MS4A10: variants seen among roughly 807,000 people sequenced by gnomAD.
MS4A10 encodes membrane-spanning 4-domains subfamily A member 10.
In MS4A10, 27 loss-of-function variants were observed where a neutral mutation model predicts 27.7. The observed-to-expected ratio is 0.98, with a 90% CI of 0.72 to 1.35. The LOEUF is 1.35. MS4A10 is among the 40% of genes most tolerant of loss of function. MS4A10 has a pLI of 0.00. For synonymous variants in MS4A10, 139 were observed against 131.2 expected (o/e 1.06, Z -0.41); for missense variants, 338 against 324.7 (o/e 1.04, Z -0.32).
chr11:60,793,920 G>A (rs1234491586), intron 4 of MS4A10, 52 bp from the exon 5 acceptor site: 6 of 1,603,794 alleles, frequency 3.7e-6, no homozygotes, highest in African/African-American at 2.7e-5. Context: ...GGAGGACCTA[G>A]CCCCAGGTCT....
chr11:60,786,846 C>T (rs958473660), intron 1 of MS4A10, among the ~76,000 whole-genome samples: 3 of 152,184 alleles, frequency 2.0e-5, no homozygotes, highest in African/African-American at 2.4e-5. Context: ...CCACCTACCC[C>T]CTAGGGACAG....
intron 6 of MS4A10, among the ~76,000 whole-genome samples, 157 bp downstream of exon 6, chr11:60,795,822 T>C (rs949503688): frequency 5.3e-5 from 8 of 151,866 alleles, no homozygotes; most frequent in Non-Finnish European, 1.0e-4. Flanking sequence ...CACGATCCAG[T>C]AGGGGAGCCA....
intron 6 of MS4A10, 112 bp downstream of exon 6, chr11:60,795,777 T>TC: frequency 1.7e-6 from 1 of 603,774 alleles, no homozygotes; most frequent in Non-Finnish European, 2.5e-6. Flanking sequence ...TTTCATTCAT[T>TC]CCTCACGTTG....
In MS4A10 at chr11:60,800,028, A is replaced by G; in HGVS notation, c.*119A>G. The G allele has an allele frequency of 6.6e-7, 1 of 1,507,160 alleles. No homozygotes were observed. The allele number at this position is 1,507,160 out of a possible 1,614,324, so 93.4% of individuals were successfully genotyped here. ...ACAAAAGGCTAGAGCGATGGTCTAT[A>G]CAGCAAAGTCAGCCCTCACAGCTCC... On this transcript the variant is annotated 3_prime_UTR_variant, in exon 8 of 8. Coordinates refer to ENST00000308287, the MANE Select transcript of MS4A10 (RefSeq NM_206893.4).
At chr11:60,795,911 G>A (rs534787985) in intron 6 of MS4A10, among the ~76,000 whole-genome samples, 2 of 152,264 alleles carry the variant, frequency 1.3e-5, no homozygotes, top group African/African-American at 2.4e-5. Context: ...TGGGTGCCCA[G>A]AACAAGAGGC....
At chr11:60,794,251 A>C in intron 5 of MS4A10, 148 bp downstream of exon 5, 1 of 869,684 alleles carries the variant, frequency 1.1e-6, no homozygotes, top group Non-Finnish European at 1.8e-6. Context: ...TCTGTCCCCT[A>C]CAAGGTGTGG....
intron 1 of MS4A10, among the ~76,000 whole-genome samples, chr11:60,786,463 C>G (rs538515238): frequency 6.6e-6 from 1 of 152,200 alleles, no homozygotes; most frequent in African/African-American, 2.4e-5. Flanking sequence ...CCTACCCCCA[C>G]CCCAGGGCCC....
intron 5 of MS4A10, 68 bp from the exon 6 acceptor site, chr11:60,795,487 A>C: frequency 9.5e-7 from 1 of 1,048,112 alleles, no homozygotes; most frequent in South Asian, 2.3e-5. Context: ...CTGCCTGGCT[A>C]AGCCCACGTG....
In MS4A10 at chr11:60,792,319, C is replaced by G; in HGVS notation, c.358C>G (p.Leu120Val). The change falls in exon 4 of 8, where the codon CTG becomes GTG. Residue 120 changes from leucine (L) to valine (V), a missense_variant and splice_region_variant. Leu to Val is a conservative substitution (Grantham distance 32). Transcript: ENST00000308287. ...ITMKTFSKTY[L>V]KMLCLMTNLI... ...AATGAAGACCTTTTCTAAAACTTAC[C>G]TGGTGAGTGGGCACACTGAGATCAT... 6.2e-7 allele frequency: 1 copy of G among 1,606,318 alleles called. No individual in the cohort carries two copies. The highest frequency in any genetic ancestry group is 8.5e-7 in the Non-Finnish European group (1 of 1,172,934).
chr11:60,788,423 CTCT>C (rs2134748067), intron 1 of MS4A10, among the ~76,000 whole-genome samples: 1 of 152,366 alleles, frequency 6.6e-6, no homozygotes, highest in African/African-American at 2.4e-5. Context: ...TAAGAAGTCC[CTCT>C]TCTTCTGTTC....
chr11:60,785,911 C>G (rs535784397), intron 1 of MS4A10, among the ~76,000 whole-genome samples: 1 of 152,196 alleles, frequency 6.6e-6, no homozygotes, highest in African/African-American at 2.4e-5. Flanking sequence ...GGACGGAGGC[C>G]TCTGTTTCCT....
rs547221008 is a variant in MS4A10, at chr11:60,792,163, C to T, written c.304-102C>T. Reference sequence around the variant, plus strand: ...GAATAGTATTCCCTGCCCCACTGGCCGCCAAGGGTTGATTTTCTTGGAGAA... The same window carrying T: ...GAATAGTATTCCCTGCCCCACTGGCTGCCAAGGGTTGATTTTCTTGGAGAA... On this transcript the variant is annotated intron_variant, in intron 3 of 7. Coordinates refer to ENST00000308287, the MANE Select transcript of MS4A10 (RefSeq NM_206893.4). 3.4e-5 allele frequency: 31 copies of T among 915,252 alleles called. No homozygotes were observed. In the East Asian group the frequency reaches 4.1e-4, roughly 12 times the overall value. 56.7% of individuals were successfully genotyped at this position (915,252 alleles called of 1,614,324 possible). A position where few individuals can be genotyped will look rare whatever the true frequency, so the allele number is the denominator to read the frequency against.
chr11:60,786,706 C>A (rs1201636942), intron 1 of MS4A10, among the ~76,000 whole-genome samples: 2 of 152,190 alleles, frequency 1.3e-5, no homozygotes, highest in Admixed American at 1.3e-4. Context: ...AACCGAGAAC[C>A]AGACGAGGAC....
chr11:60,789,181 A>T (rs1345897643), intron 1 of MS4A10, among the ~76,000 whole-genome samples: 1 of 152,220 alleles, frequency 6.6e-6, no homozygotes, highest in African/African-American at 2.4e-5. Context: ...AGTCAGACTT[A>T]AAAGTGAGAG....
At chr11:60,787,706 A>G (rs535547271) in intron 1 of MS4A10, among the ~76,000 whole-genome samples, 16 of 152,250 alleles carry the variant, frequency 1.1e-4, no homozygotes, top group Non-Finnish European at 2.1e-4. Context: ...TAGAACCGTT[A>G]GACAATGAGA....
At position 60,796,847 on chromosome 11, in the gene MS4A10, A is replaced by T. The variant is rs145640117; in HGVS notation, c.603+1182A>T. ...ATAAGGATGTTTTATAAAAGAAAAA[A>T]AATAAATAAAAAATAAAGACCCTGA... On this transcript the variant is annotated intron_variant, in intron 6 of 7. Coordinates refer to ENST00000308287, the MANE Select transcript of MS4A10 (RefSeq NM_206893.4). Among the ~76,000 whole-genome samples the T allele has an allele frequency of 4.9e-3, 746 of 152,272 alleles. 6 individuals are homozygous for T. The highest frequency in any genetic ancestry group is 0.017 in the African/African-American group (688 of 41,538).
chr11:60,793,724 G>A (rs1341158763), intron 4 of MS4A10, among the ~76,000 whole-genome samples: 1 of 152,190 alleles, frequency 6.6e-6, no homozygotes, highest in Non-Finnish European at 1.5e-5. Context: ...CAGCTCTTGG[G>A]TTCTCCCAAT....
Position 60,799,846 on chromosome 11 carries a change from A to C in MS4A10, c.741A>C (p.Gln247His), listed in dbSNP as rs146437987. ...CATGCAGGCTCAGAGAAGTTAAGCA[A>C]GTTGCCCCGGACACATGGATAGTCA... Reference protein sequence around the residue: ...KQHQRLREVKQVAPDTWIVTD... With the variant: ...KQHQRLREVKHVAPDTWIVTD... The change falls in exon 8 of 8, where the codon CAA (glutamine) becomes CAC (histidine). Residue 247 changes from glutamine to histidine, a missense_variant. Transcript: ENST00000308287. 1.9e-6 allele frequency: 3 copies of C among 1,550,734 alleles called. No homozygotes were observed. The highest frequency in any genetic ancestry group is 4.5e-5 in the East Asian group (2 of 44,560).
intron 1 of MS4A10, among the ~76,000 whole-genome samples, chr11:60,788,287 G>T (rs930679971): frequency 2.6e-5 from 4 of 152,214 alleles, no homozygotes; most frequent in Non-Finnish European, 5.9e-5. Context: ...CCAACTCCCT[G>T]TTGGATATTT....
Sources: gnomAD v4.1 joint callset for allele counts (sites outside exome capture counted in the v4.1 genomes callset) on GRCh38, gnomAD v4.1.1 for gene constraint, MANE v1.5 for transcripts, NCBI Gene and HGNC (gene_info 2026-07-23, HGNC 2026-07-21) for gene names.